Variants in SPTBN5 observed in about 807,000 individuals in gnomAD.
SPTBN5 encodes spectrin beta chain, non-erythrocytic 5.
SPTBN5 carries 513 observed loss-of-function variants against 477.6 expected under a neutral mutation model. The observed-to-expected ratio is 1.07, with a 90% CI of 1.00 to 1.16. The LOEUF (loss-of-function observed/expected upper bound fraction) is 1.16, where lower values mean the gene tolerates loss of function less well. Ranked by LOEUF, SPTBN5 falls within the 50% of genes most tolerant of loss-of-function variation. The pLI is 0.00. For synonymous variants in SPTBN5, 2,169 were observed against 2,011.7 expected, an observed-to-expected ratio of 1.08 and a Z score of -2.09; for missense variants, 5,062 against 4,731.8, an observed-to-expected ratio of 1.07 and a Z score of -2.05.
At chr15:41,870,848 G>A (rs566924854) in intron 29 of SPTBN5, among the ~76,000 whole-genome samples, 40 of 152,338 alleles carry the variant, frequency 2.6e-4, no homozygotes, top group African/African-American at 6.7e-4. Context: ...CTCACAGTGC[G>A]TCACCCAGGT....
At position 41,853,663 on chromosome 15, in the gene SPTBN5, TG is replaced by T; in HGVS notation, c.9898del (p.Gln3300ArgfsTer28). 1 of 1,600,094 alleles carries T rather than the reference TG, an allele frequency of 6.2e-7. No homozygotes were observed. Among genetic ancestry groups the T allele is most frequent in the Non-Finnish European group, 8.5e-7 (1 of 1,175,084 alleles). ...AKVQEAWATL[Q>X]AKAQERGQWL... The stretch of plus-strand genomic sequence containing the variant: ...CTGGCCTCGCTCCTGGGCCTTCGCC[TG>T]CAGGGTGGCCCAGGCCTCCTGCACC... On this transcript the variant is annotated frameshift_variant, in exon 58 of 68. Coordinates refer to ENST00000320955, the MANE Select transcript of SPTBN5 (RefSeq NM_016642.4). LOFTEE classifies it high-confidence loss of function.
chr15:41,881,609 A>C (rs1374934215), intron 12 of SPTBN5, among the ~76,000 whole-genome samples: 1 of 152,212 alleles, frequency 6.6e-6, no homozygotes, highest in African/African-American at 2.4e-5. Flanking sequence ...CTAAGTCAGG[A>C]GAGACAGTCA....
chr15:41,853,039 G>T, intron 59 of SPTBN5, 39 bp from the exon 60 acceptor site: 1 of 1,475,840 alleles, frequency 6.8e-7, no homozygotes, highest in Non-Finnish European at 9.0e-7. Context: ...AGCTTGGGTA[G>T]GGCTCCCACC....
At chr15:41,893,717 C>CCCT (rs1388574041) in intron 1 of SPTBN5, 171 bp from the exon 2 acceptor site, 3 of 761,530 alleles carry the variant, frequency 3.9e-6, no homozygotes, top group Admixed American at 3.0e-5. Context: ...GCCCAGGGCC[C>CCCT]CCTTTGCCCC....
At chr15:41,887,462 G>C in intron 5 of SPTBN5, 21 bp from the exon 6 acceptor site, 2 of 1,531,394 alleles carry the variant, frequency 1.3e-6, no homozygotes, top group Non-Finnish European at 1.8e-6. Context: ...AGTGAGAAGG[G>C]CTCTTCACCA....
chr15:41,868,825 T>G (rs535472896), intron 32 of SPTBN5, among the ~76,000 whole-genome samples: 6 of 152,278 alleles, frequency 3.9e-5, no homozygotes, highest in African/African-American at 1.2e-4. Context: ...AGCCAGACCC[T>G]TACCACGACA....
chr15:41,861,433 T>G lies in SPTBN5; in HGVS notation c.7801A>C (p.Ser2601Arg), dbSNP rs750512853. ...WLCSKEDSLA[S>R]EGLWDPLAPM... ...TGGGCACCTACCCATAGACCCTCAC[T>G]GGCTAGGGAGTCTTCCTTGCTGCAA... Residue 2601 changes from serine (S) to arginine (R), a missense_variant, in exon 46 of 68, where the codon AGT becomes CGT. Physicochemically the swap from Ser to Arg is moderately radical, Grantham distance 110. Transcript: ENST00000320955. The G allele has an allele frequency of 1.2e-5, 20 of 1,613,330 alleles. No individual in the cohort carries two copies. In the South Asian group the frequency reaches 2.2e-4, roughly 18 times the overall value.
intron 17 of SPTBN5, 139 bp from the exon 18 acceptor site, chr15:41,877,495 T>C (rs1181030939): frequency 2.3e-6 from 3 of 1,288,866 alleles, no homozygotes; most frequent in East Asian, 2.5e-5. Flanking sequence ...GTGCTTAGGG[T>C]GCAGGGGTTC....
rs539690396 is a variant in SPTBN5, at chr15:41,850,899, C to A, written c.10876G>T (p.Glu3626Ter). Residue 3626 changes from glutamate to a stop codon, truncating the protein, a stop_gained, in exon 66 of 68, where the codon GAA (glutamate) becomes TAA (stop). Transcript: ENST00000320955. LOFTEE classifies it high-confidence loss of function. Reference protein sequence around the residue: ...GAEILFAAPSEEQAESWWRAL... With the variant: ...GAEILFAAPS ...CGCCACCAGCTCTCAGCCTGCTCTT[C>A]GGACGGTGCTGCAAACAGGATCTCT... 1.2e-6 allele frequency: 2 copies of A among 1,604,246 alleles called. No homozygotes were observed. Among genetic ancestry groups the A allele is most frequent in the African/African-American group, 2.7e-5 (2 of 74,812 alleles).
chr15:41,879,955 G>A, intron 14 of SPTBN5, 91 bp from the exon 15 acceptor site: 1 of 1,531,938 alleles, frequency 6.5e-7, no homozygotes, highest in Non-Finnish European at 8.9e-7. Flanking sequence ...GGTGCTCTCT[G>A]CTACAGGGAT....
chr15:41,864,324 C>CA (rs2066224266), intron 39 of SPTBN5, among the ~76,000 whole-genome samples: 1 of 152,176 alleles, frequency 6.6e-6, no homozygotes, highest in African/African-American at 2.4e-5. Flanking sequence ...TGCTCACTAA[C>CA]AGAGACTCTT....
At position 41,877,261 on chromosome 15, in the gene SPTBN5, TGCTGCCCCAG is replaced by T; in HGVS notation, c.3556_3565del (p.Leu1186ArgfsTer5). Reference sequence around the variant, plus strand: ...CCACAAAACCTTCAGCTCCTGGCCCTGCTGCCCCAGGACCCTCAGAGTGTTGGGCACCTCT... The same window carrying T: ...CCACAAAACCTTCAGCTCCTGGCCCTGACCCTCAGAGTGTTGGGCACCTCT... On this transcript the variant is annotated frameshift_variant, in exon 18 of 68. Transcript: ENST00000320955. LOFTEE classifies it high-confidence loss of function. The T allele has an allele frequency of 6.2e-7, 1 of 1,613,934 alleles. No individual in the cohort carries two copies. Among genetic ancestry groups the T allele is most frequent in the Non-Finnish European group, 8.5e-7 (1 of 1,179,892 alleles).
chr15:41,886,966 G>T (rs2067173202), intron 6 of SPTBN5, among the ~76,000 whole-genome samples: 1 of 152,240 alleles, frequency 6.6e-6, no homozygotes, highest in Admixed American at 6.5e-5. Flanking sequence ...GCCCAGGAAG[G>T]GCCATTCCTC....
Position 41,854,031 on chromosome 15 carries a change from T to C in SPTBN5, c.9774+19A>G. 6.5e-7 allele frequency: 1 copy of C among 1,545,714 alleles called. No individual in the cohort carries two copies. Among genetic ancestry groups the C allele is most frequent in the Non-Finnish European group, 8.7e-7 (1 of 1,149,380 alleles). On this transcript the variant is annotated intron_variant, in intron 57 of 67. Transcript: ENST00000320955. ...CGGGCAGGGGCTCAGACAGGCAGGC[T>C]GCAGGGCGTGGGCCTCACCTCCAGG...
chr15:41,871,880 A>T lies in SPTBN5; in HGVS notation c.5203T>A (p.Phe1735Ile), dbSNP rs200195499. Residue 1735 changes from phenylalanine to isoleucine, a missense_variant, in exon 28 of 68, where the codon TTC (phenylalanine) becomes ATC (isoleucine). Physicochemically the swap from Phe to Ile is conservative, Grantham distance 21. Coordinates refer to ENST00000320955, the MANE Select transcript of SPTBN5 (RefSeq NM_016642.4). ...ELEGTLRLHE[F>I]LREAEDLQGW... is the part of the protein sequence containing the mutation. ...TGCAGGTCCTCAGCCTCCCTCAGGA[A>T]CTCATGCAGCCTCAGGGTCCCCTCC... 242 of 1,586,738 alleles carry T rather than the reference A, an allele frequency of 1.5e-4. No homozygotes were observed. The African/African-American group carries it at 2.0e-3, about 13-fold the overall frequency.
chr15:41,857,615 G>C lies in SPTBN5; in HGVS notation c.8322C>G (p.Asp2774Glu). 1 of 1,607,408 alleles carries C rather than the reference G, an allele frequency of 6.2e-7. No individual in the cohort carries two copies. Among genetic ancestry groups the C allele is most frequent in the Non-Finnish European group, 8.5e-7 (1 of 1,177,152 alleles). ...ELGALWGELQ[D>E]NSQKKVAKLQ... ...GCTTGGCCACCTTCTTCTGGGAGTTGTCTTGCAGCTCACCCCAGAGTGCTC... is the reference window on the plus strand; with the variant it reads ...GCTTGGCCACCTTCTTCTGGGAGTTCTCTTGCAGCTCACCCCAGAGTGCTC... Residue 2774 changes from aspartate (D) to glutamate (E), a missense_variant, in exon 50 of 68, where the codon GAC (aspartate) becomes GAG (glutamate). Coordinates refer to ENST00000320955, the MANE Select transcript of SPTBN5 (RefSeq NM_016642.4).
In SPTBN5 at chr15:41,882,251, T is replaced by G; in HGVS notation, c.2247+18A>C. The G allele has an allele frequency of 6.7e-6, 1 of 150,096 alleles. No homozygotes were observed. Among genetic ancestry groups the G allele is most frequent in the Non-Finnish European group, 8.9e-6 (1 of 112,098 alleles). 9.3% of individuals were successfully genotyped at this position (150,096 alleles called of 1,614,324 possible). A position where few individuals can be genotyped will look rare whatever the true frequency, so the allele number is the denominator to read the frequency against. Reference sequence around the variant, plus strand: ...CGCCGGGCCCCGCCCCCACCCCGCCTCCACCCCTCCCCACTACCTGCAGGA... The same window carrying G: ...CGCCGGGCCCCGCCCCCACCCCGCCGCCACCCCTCCCCACTACCTGCAGGA... On this transcript the variant is annotated intron_variant, in intron 11 of 67. Transcript: ENST00000320955.
Position 41,860,731 on chromosome 15 carries a change from G to A in SPTBN5, c.7843C>T (p.Leu2615=). Residue 2615 remains leucine, a synonymous_variant, in exon 47 of 68, where the codon CTG becomes TTG. Coordinates refer to ENST00000320955, the MANE Select transcript of SPTBN5 (RefSeq NM_016642.4). ...WDPLAPMEPL[L]WKHKMLEWDL... ...CACTCCAGCATCTTGTGCTTCCACA[G>A]AAGGGGCTCCATGGGGGCCAAGGGG... is the stretch of plus-strand genomic sequence containing the variant. 2 of 1,599,172 alleles carry A rather than the reference G, an allele frequency of 1.3e-6. No individual in the cohort carries two copies. The highest frequency in any genetic ancestry group is 2.3e-5 in the South Asian group (2 of 87,788).
Position 41,867,106 on chromosome 15 carries a change from C to A in SPTBN5, c.6333G>T (p.Arg2111=). The change falls in exon 36 of 68, where the codon CGG becomes CGT. Residue 2111 remains arginine (R), a synonymous_variant. Transcript: ENST00000320955. ...CCCGGGGGCGCCGGAGCGTCTTCAG[C>A]CGCTCACGCAGGGCTGCCTCCTGTG... ...QDKKEAALRE[R]LKTLRRPRVR... is the part of the protein sequence containing the mutation. 6.5e-7 allele frequency: 1 copy of A among 1,539,222 alleles called. No homozygotes were observed.
Sources: allele counts gnomAD v4.1 joint callset (sites outside exome capture counted in the v4.1 genomes callset), GRCh38; gene constraint gnomAD v4.1.1; transcripts MANE v1.5; gene names NCBI Gene and HGNC (gene_info 2026-07-23, HGNC 2026-07-21).